Variants in CDH8 observed in about 807,000 individuals in gnomAD.
The protein encoded by CDH8 is cadherin-8.
A neutral mutation model predicts 68.1 loss-of-function variants in CDH8; 17 were observed. The ratio of observed to expected loss-of-function variants is 0.25; its 90% CI spans 0.17 to 0.37. The LOEUF (loss-of-function observed/expected upper bound fraction) is 0.37. Ranked by LOEUF, CDH8 falls within the 10% of genes least tolerant of loss-of-function variation. The pLI is 1.00. For missense variants in CDH8, 763 were observed against 999.3 expected (o/e 0.76, Z 3.19); for synonymous variants, 372 against 365.1 (o/e 1.02, Z -0.21).
At position 61,787,947 on chromosome 16, in the gene CDH8, G is replaced by GC. The variant is rs1285994427; in HGVS notation, c.1414+1398_1414+1399insG. Among the ~76,000 whole-genome samples the GC allele has an allele frequency of 7.2e-4, 89 of 122,906 alleles. 1 individual carries two copies. The highest frequency in any genetic ancestry group is 2.6e-3 in the African/African-American group (86 of 32,556). The allele number at this position is 122,906 out of a possible 152,430, so 80.6% of individuals were successfully genotyped here. A position where few individuals can be genotyped will look rare whatever the true frequency, so the allele number is the denominator to read the frequency against. ...CACACTCTGGGGACTGTGGTGGGGG[G>GC]GGCGGGGGGAGGGATAGCATTGGAA... On this transcript the variant is annotated intron_variant, in intron 8 of 11. Coordinates refer to ENST00000577390, the MANE Select transcript of CDH8 (RefSeq NM_001796.5).
Position 61,713,901 on chromosome 16 carries a change from A to G in CDH8, c.1594T>C (p.Leu532=), listed in dbSNP as rs1176338562. Residue 532 remains leucine, a synonymous_variant, in exon 10 of 12, where the codon TTA becomes CTA. Coordinates refer to ENST00000577390, the MANE Select transcript of CDH8 (RefSeq NM_001796.5). ...ACCATTTCTGGAAGGAGACTGTATA[A>G]GAAATAATGTCCGTTTTTGGGATCA... ...KDDPKNGHYF[L]YSLLPEMVNN... The G allele has an allele frequency of 1.2e-6, 2 of 1,610,032 alleles. No individual in the cohort carries two copies. Among genetic ancestry groups the G allele is most frequent in the Non-Finnish European group, 1.7e-6 (2 of 1,176,974 alleles).
intron 3 of CDH8, among the ~76,000 whole-genome samples, chr16:61,857,501 A>G (rs1963069130): frequency 6.6e-6 from 1 of 152,154 alleles, no homozygotes; most frequent in Admixed American, 6.6e-5. Flanking sequence ...CATTTTAAAG[A>G]TAAGTATTAG....
At chr16:61,688,506 T>C (rs1174373087) in intron 10 of CDH8, among the ~76,000 whole-genome samples, 3 of 151,942 alleles carry the variant, frequency 2.0e-5, no homozygotes, top group Non-Finnish European at 2.9e-5. Context: ...TGTGGGGTGT[T>C]GAGTATTTGG....
At chr16:61,737,123 A>T (rs66688040) in intron 8 of CDH8, among the ~76,000 whole-genome samples, 21,034 of 152,088 alleles carry the variant, frequency 0.14, 1,480 homozygotes, top group South Asian at 0.16. Flanking sequence ...GCCCTTTTAT[A>T]ATGAAAGGTA....
chr16:61,797,203 CCTCCAT>C (rs1961519865), intron 7 of CDH8, among the ~76,000 whole-genome samples: 1 of 152,018 alleles, frequency 6.6e-6, no homozygotes, highest in South Asian at 2.1e-4. Flanking sequence ...CCACACAAAG[CCTCCAT>C]CTCCTACTCT....
At chr16:61,810,438 C>T (rs56307987) in intron 7 of CDH8, among the ~76,000 whole-genome samples, 1 of 151,308 alleles carries the variant, frequency 6.6e-6, no homozygotes, top group Admixed American at 6.6e-5. Context: ...AAAGAAGGAG[C>T]CTTTTTCTAT....
chr16:61,768,392 CTCCCTT>C lies in CDH8; in HGVS notation c.1414+20948_1414+20953del, dbSNP rs1353706510. On this transcript the variant is annotated intron_variant, in intron 8 of 11. Transcript: ENST00000577390. ...TCCCTTTCTCTCTCTCTCTCTCTCT[CTCCCTT>C]TCTCTCTCTCTCTCTCTCTCTCTCT... is the stretch of plus-strand genomic sequence containing the variant. 5.9e-4 allele frequency among the ~76,000 whole-genome samples: 45 copies of C among 76,872 alleles called. 3 individuals are homozygous for C. Among genetic ancestry groups the C allele is most frequent in the East Asian group, 1.8e-3 (4 of 2,254 alleles). 50.4% of individuals were successfully genotyped at this position (76,872 alleles called of 152,430 possible).
intron 8 of CDH8, among the ~76,000 whole-genome samples, chr16:61,767,935 T>G (rs1039049307): frequency 1.3e-5 from 2 of 151,872 alleles, no homozygotes; most frequent in African/African-American, 4.8e-5. Flanking sequence ...AGAGATACAA[T>G]AGCTGCCCAA....
chr16:61,857,380 C>G (rs1963067031), intron 3 of CDH8, 142 bp from the exon 4 acceptor site: 1 of 681,014 alleles, frequency 1.5e-6, no homozygotes, highest in East Asian at 2.9e-5. Flanking sequence ...TGAAGATAAA[C>G]TGCTCTCTCA....
intron 3 of CDH8, among the ~76,000 whole-genome samples, chr16:61,881,816 T>C (rs994933791): frequency 1.3e-5 from 2 of 152,212 alleles, no homozygotes; most frequent in African/African-American, 2.4e-5. Context: ...TAACCCCTTC[T>C]GGCTTCAAAG....
chr16:61,970,908 T>G (rs902881536), intron 2 of CDH8, among the ~76,000 whole-genome samples: 2 of 152,212 alleles, frequency 1.3e-5, no homozygotes, highest in African/African-American at 4.8e-5. Flanking sequence ...CTGATGACAT[T>G]CCACCATTGT....
intron 8 of CDH8, among the ~76,000 whole-genome samples, chr16:61,766,364 C>T (rs1013425983): frequency 6.6e-5 from 10 of 151,862 alleles, no homozygotes; most frequent in Non-Finnish European, 1.2e-4. Context: ...CATACATATG[C>T]TACATTTTCT....
At chr16:62,017,161 G>A (rs920101377) in intron 2 of CDH8, among the ~76,000 whole-genome samples, 19 of 151,980 alleles carry the variant, frequency 1.3e-4, no homozygotes, top group Non-Finnish European at 2.4e-4. Flanking sequence ...ATGCAGGCAG[G>A]GTTCTAGGTT....
rs1055254617 is a variant in CDH8, at chr16:62,020,490, G to A, written c.252+662C>T. Reference sequence around the variant, plus strand: ...TGTAAGTCCAGTCTAACACACACACGCGCGCGCGCACACACACACACACAC... The same window carrying A: ...TGTAAGTCCAGTCTAACACACACACACGCGCGCGCACACACACACACACAC... On this transcript the variant is annotated intron_variant, in intron 2 of 11. Transcript: ENST00000577390. Among the ~76,000 whole-genome samples the A allele has an allele frequency of 6.7e-3, 598 of 88,934 alleles. 1 individual carries two copies. Among genetic ancestry groups the A allele is most frequent in the Admixed American group, 0.011 (80 of 7,290 alleles). 58.3% of individuals were successfully genotyped at this position (88,934 alleles called of 152,430 possible).
chr16:61,821,999 C>T (rs1189732295), intron 5 of CDH8, among the ~76,000 whole-genome samples: 1 of 151,710 alleles, frequency 6.6e-6, no homozygotes, highest in African/African-American at 2.4e-5. Flanking sequence ...GAGTGTCAGG[C>T]CAAAAATGCC....
chr16:61,897,202 T>C (rs1161475862), intron 3 of CDH8, among the ~76,000 whole-genome samples: 1 of 151,802 alleles, frequency 6.6e-6, no homozygotes, highest in Non-Finnish European at 1.5e-5. Flanking sequence ...GAGAAATATA[T>C]ACATGTGTAT....
chr16:61,906,537 T>C (rs1964066101), intron 2 of CDH8, among the ~76,000 whole-genome samples: 1 of 152,218 alleles, frequency 6.6e-6, no homozygotes, highest in Non-Finnish European at 1.5e-5. Flanking sequence ...CATTATACCC[T>C]CATCATCTTC....
intron 7 of CDH8, among the ~76,000 whole-genome samples, chr16:61,799,541 T>C (rs1048979251): frequency 6.6e-6 from 1 of 152,140 alleles, no homozygotes; most frequent in African/African-American, 2.4e-5. Context: ...AACATGCATT[T>C]CCTCCGTCAT....
At chr16:61,889,355 T>A (rs537552443) in intron 3 of CDH8, among the ~76,000 whole-genome samples, 1 of 152,102 alleles carries the variant, frequency 6.6e-6, no homozygotes, top group Non-Finnish European at 1.5e-5. Flanking sequence ...CAAAGTCCAG[T>A]GAATCCAGAA....
Sources: allele counts gnomAD v4.1 joint callset (sites outside exome capture counted in the v4.1 genomes callset), GRCh38; gene constraint gnomAD v4.1.1; transcripts MANE v1.5; gene names NCBI Gene and HGNC (gene_info 2026-07-23, HGNC 2026-07-21).